The following HS6ST3 variants were observed in gnomAD, a reference collection of about 807,000 sequenced individuals.
HS6ST3 encodes the protein heparan-sulfate 6-O-sulfotransferase 3.
Under a neutral mutation model 36.7 loss-of-function variants are expected in HS6ST3, and 12 were observed. The ratio of observed to expected loss-of-function variants is 0.33; its 90% CI spans 0.21 to 0.53. The LOEUF (loss-of-function observed/expected upper bound fraction) is 0.53. HS6ST3 is among the 20% of genes least tolerant of loss of function. The pLI, the probability that HS6ST3 is intolerant of heterozygous loss-of-function variation, is 0.95. For missense variants in HS6ST3, 584 were observed against 640.9 expected (o/e 0.91, Z 0.96); for synonymous variants, 240 against 257.5 (o/e 0.93, Z 0.65).
chr13:96,395,855 G>C (rs1418287620), intron 1 of HS6ST3, among the ~76,000 whole-genome samples: 1 of 152,120 alleles, frequency 6.6e-6, no homozygotes, highest in Non-Finnish European at 1.5e-5. Context: ...AGGGAGAGAA[G>C]GAGGAAAGGA....
At chr13:96,219,837 C>G (rs1445723297) in intron 1 of HS6ST3, among the ~76,000 whole-genome samples, 1 of 152,170 alleles carries the variant, frequency 6.6e-6, no homozygotes, top group Non-Finnish European at 1.5e-5. Flanking sequence ...GCGCGTGCCA[C>G]CACACCCAGC....
intron 1 of HS6ST3, among the ~76,000 whole-genome samples, chr13:96,736,450 G>T (rs1325121223): frequency 6.6e-6 from 1 of 152,092 alleles, no homozygotes; most frequent in Non-Finnish European, 1.5e-5. Flanking sequence ...ATCAAATAAT[G>T]TAGTATCAAA....
At chr13:96,116,814 T>C (rs2139303344) in intron 1 of HS6ST3, among the ~76,000 whole-genome samples, 1 of 152,308 alleles carries the variant, frequency 6.6e-6, no homozygotes, top group South Asian at 2.1e-4. Context: ...GTTGTGATTA[T>C]GTTGGCACCT....
intron 1 of HS6ST3, among the ~76,000 whole-genome samples, chr13:96,484,568 T>G (rs1224119268): frequency 6.6e-6 from 1 of 152,236 alleles, no homozygotes; most frequent in East Asian, 1.9e-4. Context: ...TTTGACTATT[T>G]TAGATTTCAC....
At chr13:96,493,623 T>C (rs2055957827) in intron 1 of HS6ST3, among the ~76,000 whole-genome samples, 1 of 152,196 alleles carries the variant, frequency 6.6e-6, no homozygotes, top group East Asian at 1.9e-4. Flanking sequence ...AAAAAGTTGA[T>C]CTCTCGATGT....
intron 1 of HS6ST3, among the ~76,000 whole-genome samples, chr13:96,591,474 T>G (rs1377149194): frequency 6.6e-6 from 1 of 152,146 alleles, no homozygotes; most frequent in African/African-American, 2.4e-5. Context: ...ATGGGATTAC[T>G]TTTTAATTTC....
chr13:96,319,477 A>G (rs2054992951), intron 1 of HS6ST3, among the ~76,000 whole-genome samples: 1 of 152,144 alleles, frequency 6.6e-6, no homozygotes, highest in Non-Finnish European at 1.5e-5. Context: ...GTCTTTGGGC[A>G]TATTTTTTAA....
At chr13:96,482,518 A>C (rs1420481422) in intron 1 of HS6ST3, among the ~76,000 whole-genome samples, 1 of 151,510 alleles carries the variant, frequency 6.6e-6, no homozygotes, top group East Asian at 1.9e-4. Flanking sequence ...ATAGGGACTA[A>C]CTTTTTATCT....
At chr13:96,715,850 T>A (rs1209297980) in intron 1 of HS6ST3, among the ~76,000 whole-genome samples, 1 of 152,156 alleles carries the variant, frequency 6.6e-6, no homozygotes, top group Non-Finnish European at 1.5e-5. Flanking sequence ...AATTTCTAAT[T>A]CCATGAATTA....
intron 1 of HS6ST3, among the ~76,000 whole-genome samples, chr13:96,538,553 C>T (rs755172033): frequency 9.9e-5 from 15 of 152,214 alleles, no homozygotes; most frequent in Non-Finnish European, 2.2e-4. Flanking sequence ...AGGTGATTCT[C>T]ATGCCTTGGC....
intron 1 of HS6ST3, among the ~76,000 whole-genome samples, chr13:96,347,114 G>A (rs2055159864): frequency 6.6e-6 from 1 of 152,140 alleles, no homozygotes; most frequent in African/African-American, 2.4e-5. Flanking sequence ...ATTGCAGCTT[G>A]TGAGAGACCC....
chr13:96,601,278 T>C (rs765837535), intron 1 of HS6ST3, among the ~76,000 whole-genome samples: 8 of 152,150 alleles, frequency 5.3e-5, no homozygotes, highest in Non-Finnish European at 1.2e-4. Context: ...CTTTTAACTT[T>C]TTCTTCTCCC....
intron 1 of HS6ST3, among the ~76,000 whole-genome samples, chr13:96,353,046 C>CTTT (rs1026366277): frequency 2.0e-4 from 17 of 85,436 alleles, no homozygotes; most frequent in East Asian, 3.6e-4. Flanking sequence ...CTAGCGTATT[C>CTTT]TTTTTTTTTT....
intron 1 of HS6ST3, among the ~76,000 whole-genome samples, chr13:96,295,181 A>G (rs904598932): frequency 1.3e-5 from 2 of 152,278 alleles, no homozygotes; most frequent in South Asian, 4.1e-4. Context: ...AACAGGATAC[A>G]TATAATAGAA....
chr13:96,791,652 C>A (rs138012719), intron 1 of HS6ST3, among the ~76,000 whole-genome samples: 1 of 152,042 alleles, frequency 6.6e-6, no homozygotes, highest in Non-Finnish European at 1.5e-5. Flanking sequence ...TATTATAGAA[C>A]AAGAAAGGAT....
intron 1 of HS6ST3, among the ~76,000 whole-genome samples, chr13:96,353,079 G>C (rs1032079061): frequency 4.3e-5 from 6 of 141,148 alleles, no homozygotes; most frequent in South Asian, 2.3e-4. Flanking sequence ...TTTTGAGACG[G>C]AGTCTTGCTC....
rs571322051 is a variant in HS6ST3, at chr13:96,522,583, T to G, written c.708-309907T>G. On this transcript the variant is annotated intron_variant, in intron 1 of 1. Coordinates refer to ENST00000376705, the MANE Select transcript of HS6ST3 (RefSeq NM_153456.4). ...GATAGTTAGCTCTTCTTGTTGAATT[T>G]ATCCCTTTACCATTATGTAATGGCC... Among the ~76,000 whole-genome samples the G allele has an allele frequency of 6.5e-3, 984 of 152,258 alleles. 17 individuals are homozygous for G. The highest frequency in any genetic ancestry group is 0.022 in the African/African-American group (914 of 41,530).
intron 1 of HS6ST3, among the ~76,000 whole-genome samples, chr13:96,620,211 AT>A (rs1228682005): frequency 4.6e-5 from 7 of 152,196 alleles, no homozygotes; most frequent in African/African-American, 1.7e-4. Context: ...CCAATATTTG[AT>A]TTACAACCAA....
chr13:96,782,077 A>G (rs1014512198), intron 1 of HS6ST3, among the ~76,000 whole-genome samples: 4 of 152,214 alleles, frequency 2.6e-5, no homozygotes, highest in East Asian at 3.8e-4. Flanking sequence ...ATATATTTGC[A>G]TCTGAAATTA....
Sources: gnomAD v4.1 joint callset for allele counts (sites outside exome capture counted in the v4.1 genomes callset) on GRCh38, gnomAD v4.1.1 for gene constraint, MANE v1.5 for transcripts, NCBI Gene and HGNC (gene_info 2026-07-23, HGNC 2026-07-21) for gene names.